MED23: variants seen among roughly 807,000 people sequenced by gnomAD.
The protein encoded by MED23 is mediator of RNA polymerase II transcription subunit 23.
MED23 carries 105 observed loss-of-function variants against 163.9 expected under a neutral mutation model. The observed-to-expected ratio is 0.64, with a 90% CI of 0.55 to 0.75. MED23 has a LOEUF of 0.75. MED23 is among the 30% of genes least tolerant of loss of function. MED23 has a pLI of 0.00. For synonymous variants in MED23, 561 were observed against 565.6 expected, an observed-to-expected ratio of 0.99 and a Z score of 0.12; for missense variants, 1,054 against 1,649.0, an observed-to-expected ratio of 0.64 and a Z score of 6.25.
rs747717299 is a variant in MED23, at chr6:131,598,696, C to T, written c.2286G>A (p.Glu762=). The change falls in exon 19 of 29, where the codon GAG becomes GAA. Residue 762 remains glutamate (E), a synonymous_variant. Transcript: ENST00000368068. This position sits in a 1 kb window ranked among gnomAD's most constrained non-coding sequence, Gnocchi z 4.7. ...SRFNLKKNVE[E]EYRKWKSMSN... The stretch of plus-strand genomic sequence containing the variant: ...TCATTGACTTCCACTTCCTATACTC[C>T]TCCTCCACATTTTTTTTCAGATTAA... 9.9e-6 allele frequency: 16 copies of T among 1,614,082 alleles called. No homozygotes were observed. Among genetic ancestry groups the T allele is most frequent in the Non-Finnish European group, 1.4e-5 (16 of 1,180,024 alleles).
rs1397628773 is a variant in MED23, at chr6:131,590,419, G to A, written c.3710C>T (p.Pro1237Leu). Residue 1237 changes from proline (P) to leucine (L), a missense_variant, in exon 27 of 29, where the codon CCT becomes CTT. Coordinates refer to ENST00000368068, the MANE Select transcript of MED23 (RefSeq NM_004830.4). ...CAACTGGAATTCGGTCTTCACTATA[G>A]GAAGAAGTACTTCAGTAAGAAACCT... ...IPKFLTEVLL[P>L]IVKTEFQLLY... 7.5e-6 allele frequency: 12 copies of A among 1,604,754 alleles called. No homozygotes were observed. Among genetic ancestry groups the A allele is most frequent in the Non-Finnish European group, 1.0e-5 (12 of 1,172,078 alleles).
At chr6:131,627,277 T>G (rs886559010) in intron 3 of MED23, 119 bp downstream of exon 3, 20 of 773,598 alleles carry the variant, frequency 2.6e-5, no homozygotes, top group Non-Finnish European at 3.5e-5. Flanking sequence ...AACAATTTTA[T>G]TTCTCCCTTC....
downstream of MED23, chr6:131,586,731 G>A: frequency 7.0e-7 from 1 of 1,435,462 alleles, no homozygotes; most frequent in Non-Finnish European, 9.3e-7. Flanking sequence ...TTCCAATGGA[G>A]TCGGGAAACA....
At position 131,587,071 on chromosome 6, in the gene MED23, G is replaced by C. The variant is rs1774230713; in HGVS notation, c.*608C>G. The C allele has an allele frequency of 2.2e-6, 3 of 1,345,006 alleles. No individual in the cohort carries two copies. The East Asian group carries it at 8.5e-5, about 38-fold the overall frequency. The allele number at this position is 1,345,006 out of a possible 1,614,324, so 83.3% of individuals were successfully genotyped here. A position where few individuals can be genotyped will look rare whatever the true frequency, so the allele number is the denominator to read the frequency against. On this transcript the variant is annotated 3_prime_UTR_variant, in exon 29 of 29. Transcript: ENST00000368068. Reference sequence around the variant, plus strand: ...AACTAATTTTATACAGTAAGTTCAAGTCCATAGCAAAGGTAATAAAACTGC... The same window carrying C: ...AACTAATTTTATACAGTAAGTTCAACTCCATAGCAAAGGTAATAAAACTGC...
chr6:131,586,920 T>A lies in MED23; in HGVS notation c.*759A>T. On this transcript the variant is annotated 3_prime_UTR_variant, in exon 29 of 29. Coordinates refer to ENST00000368068, the MANE Select transcript of MED23 (RefSeq NM_004830.4). ...AAAAATTGAAGAATTACATCATCTG[T>A]CAGGTGAGAGTGTCAACCTGCAAAA... is the stretch of plus-strand genomic sequence containing the variant. 6.9e-7 allele frequency: 1 copy of A among 1,459,176 alleles called. No homozygotes were observed. The highest frequency in any genetic ancestry group is 9.3e-7 in the Non-Finnish European group (1 of 1,079,042). The allele number at this position is 1,459,176 out of a possible 1,614,324, so 90.4% of individuals were successfully genotyped here. A position where few individuals can be genotyped will look rare whatever the true frequency, so the allele number is the denominator to read the frequency against.
At chr6:131,608,136 T>C (rs1339519071) in intron 11 of MED23, 65 bp from the exon 12 acceptor site, 11 of 1,581,992 alleles carry the variant, frequency 7.0e-6, no homozygotes, top group Non-Finnish European at 8.6e-6. Flanking sequence ...CAGGAAGTTT[T>C]TGTTGTTTTT....
intron 30 of MED23, among the ~76,000 whole-genome samples, chr6:131,574,931 T>C (rs946196803): frequency 2.0e-5 from 3 of 152,184 alleles, no homozygotes; most frequent in African/African-American, 4.8e-5. Flanking sequence ...CTGATTCCAA[T>C]GCCTATGCCC....
In MED23 at chr6:131,627,503, A is replaced by G; in HGVS notation, c.72-20T>C. 6.2e-7 allele frequency: 1 copy of G among 1,604,052 alleles called. No homozygotes were observed. Among genetic ancestry groups the G allele is most frequent in the Non-Finnish European group, 8.5e-7 (1 of 1,171,016 alleles). On this transcript the variant is annotated intron_variant, in intron 2 of 28. Coordinates refer to ENST00000368068, the MANE Select transcript of MED23 (RefSeq NM_004830.4). Reference sequence around the variant, plus strand: ...AACATGCTAAAAAAATAAAAATTACATTATTTGTCATTCGTTTTAAAAAGG... The same window carrying G: ...AACATGCTAAAAAAATAAAAATTACGTTATTTGTCATTCGTTTTAAAAAGG...
intron 23 of MED23, 59 bp from the exon 24 acceptor site, chr6:131,593,230 A>C: frequency 1.9e-6 from 3 of 1,598,952 alleles, no homozygotes; most frequent in Non-Finnish European, 2.6e-6. Context: ...AATTTATCTG[A>C]TTATGAGCTG....
rs1774623004 is a variant in MED23 at position 131,591,402 on chromosome 6, G to A, written c.3597C>T (p.Ser1199=). 1.2e-6 allele frequency: 2 copies of A among 1,613,770 alleles called. No homozygotes were observed. Among genetic ancestry groups the A allele is most frequent in the African/African-American group, 2.7e-5 (2 of 74,914 alleles). The change falls in exon 26 of 29, where the codon TCC becomes TCT. Residue 1199 remains serine (S), a synonymous_variant. Coordinates refer to ENST00000368068, the MANE Select transcript of MED23 (RefSeq NM_004830.4). The stretch of plus-strand genomic sequence containing the variant: ...TATAGCTACAACTCATCTCAGAGTA[G>A]GACTGATGACAGGCAGTGAAATCAA... ...RLFDFTACHQ[S]YSEMSCSYTL...
intron 5 of MED23, among the ~76,000 whole-genome samples, chr6:131,623,068 T>C (rs773958442): frequency 4.6e-5 from 7 of 152,204 alleles, no homozygotes; most frequent in Non-Finnish European, 1.0e-4. Flanking sequence ...TTTGAAGGGA[T>C]CATAATACTT....
chr6:131,608,745 T>C (rs1776046555), intron 11 of MED23, among the ~76,000 whole-genome samples: 1 of 152,200 alleles, frequency 6.6e-6, no homozygotes, highest in Non-Finnish European at 1.5e-5. Flanking sequence ...TGGTGGTTTC[T>C]GGGAGAAGGT....
At chr6:131,596,715 T>C (rs1253582986) in intron 20 of MED23, 27 bp from the exon 21 acceptor site, 1 of 1,609,166 alleles carries the variant, frequency 6.2e-7, no homozygotes, top group Non-Finnish European at 8.5e-7. Flanking sequence ...AAAAATTATA[T>C]GAAAATGTTC....
chr6:131,588,164 C>A (rs576726947), intron 28 of MED23, among the ~76,000 whole-genome samples: 1 of 152,312 alleles, frequency 6.6e-6, no homozygotes, highest in East Asian at 1.9e-4. Flanking sequence ...AGTCATCCCA[C>A]TACCAAAAGC....
Position 131,624,891 on chromosome 6 carries a change from T to G in MED23, c.258A>C (p.Ala86=). 6.2e-7 allele frequency: 1 copy of G among 1,613,954 alleles called. No homozygotes were observed. The highest frequency in any genetic ancestry group is 8.5e-7 in the Non-Finnish European group (1 of 1,179,990). Residue 86 remains alanine (A), a synonymous_variant, in exon 4 of 29, where the codon GCA becomes GCC. Coordinates refer to ENST00000368068, the MANE Select transcript of MED23 (RefSeq NM_004830.4). ...ISFLYDCLAM[A]VETGLLPPRL... ...TGGGTGGAAGGAGACCAGTCTCAAC[T>G]GCCATTGCTAAGCAGTCATAAAGAA...
In MED23 at chr6:131,586,971, A is replaced by G; in HGVS notation, c.*708T>C. Reference sequence around the variant, plus strand: ...GCAATTAACTTATTTTTAAAAAAAGAAATTGGAGAATCAACCATTTAAGCA... The same window carrying G: ...GCAATTAACTTATTTTTAAAAAAAGGAATTGGAGAATCAACCATTTAAGCA... On this transcript the variant is annotated 3_prime_UTR_variant, in exon 29 of 29. Coordinates refer to ENST00000368068, the MANE Select transcript of MED23 (RefSeq NM_004830.4). 6.7e-7 allele frequency: 1 copy of G among 1,490,984 alleles called. No individual in the cohort carries two copies. The highest frequency in any genetic ancestry group is 9.0e-7 in the Non-Finnish European group (1 of 1,117,240). 92.4% of individuals were successfully genotyped at this position (1,490,984 alleles called of 1,614,324 possible).
intron 28 of MED23, among the ~76,000 whole-genome samples, chr6:131,589,099 G>A (rs778414505): frequency 5.3e-5 from 8 of 152,124 alleles, no homozygotes; most frequent in Non-Finnish European, 7.4e-5. Context: ...CACCATGAGT[G>A]TCAGGAGAAG....
intron 6 of MED23, 48 bp downstream of exon 6, chr6:131,621,833 A>G (rs776879467): frequency 1.7e-5 from 22 of 1,315,586 alleles, no homozygotes; most frequent in Admixed American, 7.8e-5. Context: ...AAACAAAGCT[A>G]GACTTTTTTG....
chr6:131,606,690 T>C (rs1156256025), intron 12 of MED23, 66 bp from the exon 13 acceptor site: 16 of 1,328,490 alleles, frequency 1.2e-5, no homozygotes, highest in Non-Finnish European at 1.6e-5. Context: ...ATTATGTGTA[T>C]TTTAGTAATC....
Sources: gnomAD v4.1 joint callset for allele counts (sites outside exome capture counted in the v4.1 genomes callset) on GRCh38, gnomAD v4.1.1 for gene constraint, Gnocchi (gnomAD v3.1) non-coding constraint, MANE v1.5 for transcripts, NCBI Gene and HGNC (gene_info 2026-07-23, HGNC 2026-07-21) for gene names.